PHTF2: variants seen among roughly 807,000 people sequenced by gnomAD.
PHTF2 encodes protein PHTF2.
PHTF2 carries 60 observed loss-of-function variants against 101.2 expected under a neutral mutation model. The ratio of observed to expected loss-of-function variants is 0.59; its 90% CI spans 0.48 to 0.73. The LOEUF (loss-of-function observed/expected upper bound fraction) is 0.73, where lower values mean the gene tolerates loss of function less well. Among genes scored for constraint, PHTF2 ranks in the 30% least tolerant of loss-of-function variants. The probability of loss-of-function intolerance (pLI) is 0.00; values close to 1 mark genes in which losing one functional copy is unlikely to be tolerated. For synonymous variants in PHTF2, 311 were observed against 307.3 expected (o/e 1.01, Z -0.13); for missense variants, 747 against 908.7 (o/e 0.82, Z 2.29).
intron 16 of PHTF2, among the ~76,000 whole-genome samples, chr7:77,947,544 C>T (rs781753672): frequency 3.3e-5 from 5 of 151,858 alleles, no homozygotes; most frequent in Non-Finnish European, 5.9e-5. Flanking sequence ...GCCTGGGCGA[C>T]AGAGTGAGAC....
intron 1 of PHTF2, among the ~76,000 whole-genome samples, chr7:77,814,391 A>G (rs1793680435): frequency 6.6e-6 from 1 of 152,194 alleles, no homozygotes; most frequent in South Asian, 2.1e-4. Flanking sequence ...CTCACAACCA[A>G]CAGCACTATA....
In PHTF2 at chr7:77,951,367, G is replaced by A. The variant is rs750122910; in HGVS notation, c.2116-250G>A. Among the ~76,000 whole-genome samples, 11 of 152,188 alleles carry A rather than the reference G, an allele frequency of 7.2e-5. No individual in the cohort carries two copies. In the Middle Eastern group the frequency reaches 0.01, roughly 141 times the overall value. On this transcript the variant is annotated intron_variant, in intron 17 of 19. Coordinates refer to ENST00000416283, the Ensembl canonical transcript of PHTF2. ...AGGTTGATTTGGCTCCGATAATAAAGTGTCTCACCTTTTAAATAATGCCAT... is the reference window on the plus strand; with the variant it reads ...AGGTTGATTTGGCTCCGATAATAAAATGTCTCACCTTTTAAATAATGCCAT...
At chr7:77,954,936 G>C in exon 20 of PHTF2, 1 of 918,810 alleles carries the variant, frequency 1.1e-6, no homozygotes, top group South Asian at 1.7e-5. Flanking sequence ...TGACTAAGCT[G>C]CCTGAAAGCT....
At chr7:77,804,132 A>G (rs574242673) in intron 1 of PHTF2, among the ~76,000 whole-genome samples, 1 of 152,360 alleles carries the variant, frequency 6.6e-6, no homozygotes, top group South Asian at 2.1e-4. Context: ...TTTAATGGCA[A>G]GTAATCCTGG....
chr7:77,858,614 G>A (rs1176099134), intron 3 of PHTF2, among the ~76,000 whole-genome samples: 1 of 149,148 alleles, frequency 6.7e-6, no homozygotes, highest in African/African-American at 2.5e-5. Context: ...GTTTTTAGGT[G>A]ACCTCTGATG....
At chr7:77,916,247 A>G (rs934219931) in intron 9 of PHTF2, among the ~76,000 whole-genome samples, 4 of 152,192 alleles carry the variant, frequency 2.6e-5, no homozygotes, top group Non-Finnish European at 4.4e-5. Flanking sequence ...TGTTTTTTAA[A>G]TAAGTCTCTC....
At chr7:77,908,855 A>T (rs1055069995) in exon 8 of PHTF2, 2 of 1,611,320 alleles carry the variant, frequency 1.2e-6, no homozygotes, top group African/African-American at 1.3e-5. Flanking sequence ...GACAGAGGTG[A>T]TTGGGCCGAT....
chr7:77,868,560 T>G (rs1229326961), intron 3 of PHTF2, among the ~76,000 whole-genome samples: 2 of 152,086 alleles, frequency 1.3e-5, no homozygotes, highest in African/African-American at 4.8e-5. Context: ...TTTCAGTAAG[T>G]CAAAGAATGG....
At chr7:77,890,475 G>A (rs1055914943) in intron 3 of PHTF2, among the ~76,000 whole-genome samples, 6 of 152,030 alleles carry the variant, frequency 3.9e-5, no homozygotes, top group African/African-American at 1.2e-4. Flanking sequence ...GACAAGTTAG[G>A]CACCCTTTTG....
intron 12 of PHTF2, among the ~76,000 whole-genome samples, chr7:77,936,284 CTAGAG>C (rs1805121247): frequency 2.0e-5 from 3 of 151,996 alleles, no homozygotes; most frequent in Non-Finnish European, 4.4e-5. Context: ...ATAAATGTAC[CTAGAG>C]TAGATTCTTC....
At chr7:77,842,173 T>C (rs368067816) in intron 2 of PHTF2, among the ~76,000 whole-genome samples, 3 of 152,286 alleles carry the variant, frequency 2.0e-5, no homozygotes, top group East Asian at 3.9e-4. Context: ...TAAAATATAC[T>C]AGCAAATGTA....
intron 13 of PHTF2, among the ~76,000 whole-genome samples, chr7:77,939,661 G>A (rs951939697): frequency 4.0e-5 from 6 of 151,574 alleles, no homozygotes; most frequent in Admixed American, 2.6e-4. Flanking sequence ...TGAAATAAGT[G>A]TAATGCTGAG....
In PHTF2 at chr7:77,915,170, A is replaced by C. The variant is rs58877229; in HGVS notation, c.776+4761A>C. 3.3e-5 allele frequency among the ~76,000 whole-genome samples: 5 copies of C among 151,732 alleles called. No individual in the cohort carries two copies. In the East Asian group the frequency reaches 9.8e-4, roughly 30 times the overall value. On this transcript the variant is annotated intron_variant, in intron 9 of 19. Transcript: ENST00000416283. ...GTGATCCTCCTGCTTTGGCCTCCCAAAGTGCTGGGATTACAGGCGTGAGTC... is the reference window on the plus strand; with the variant it reads ...GTGATCCTCCTGCTTTGGCCTCCCACAGTGCTGGGATTACAGGCGTGAGTC...
chr7:77,822,607 T>C (rs905263440), intron 1 of PHTF2, among the ~76,000 whole-genome samples: 15 of 152,140 alleles, frequency 9.9e-5, no homozygotes, highest in Non-Finnish European at 2.2e-4. Flanking sequence ...TGGGGGCTGG[T>C]AGGGATCTTC....
At chr7:77,826,836 A>C (rs1475419861) in intron 1 of PHTF2, among the ~76,000 whole-genome samples, 1 of 152,254 alleles carries the variant, frequency 6.6e-6, no homozygotes, top group Admixed American at 6.5e-5. Flanking sequence ...TCTAACATGT[A>C]AGAGCACAGA....
chr7:77,825,238 G>T (rs1794615133), intron 1 of PHTF2, among the ~76,000 whole-genome samples: 1 of 152,160 alleles, frequency 6.6e-6, no homozygotes. Flanking sequence ...GGAAGGTAAA[G>T]AAAGAATGAG....
chr7:77,954,879 C>A, exon 20 of PHTF2: 2 of 1,496,174 alleles, frequency 1.3e-6, no homozygotes, highest in Non-Finnish European at 1.8e-6. Context: ...TAAGTCATGA[C>A]AATTCAAAGA....
intron 12 of PHTF2, among the ~76,000 whole-genome samples, chr7:77,937,029 G>A (rs1051726420): frequency 6.6e-6 from 1 of 151,566 alleles, no homozygotes; most frequent in Non-Finnish European, 1.5e-5. Flanking sequence ...CCTGTAGTCC[G>A]AGCTACTCAG....
At chr7:77,920,182 G>A (rs1803312208) in intron 9 of PHTF2, 97 bp from the exon 9 acceptor site, 8 of 622,314 alleles carry the variant, frequency 1.3e-5, no homozygotes, top group Non-Finnish European at 2.2e-5. Context: ...TAGAGAAATA[G>A]CTATCTGATG....
Sources: allele counts gnomAD v4.1 joint callset (sites outside exome capture counted in the v4.1 genomes callset), GRCh38; gene constraint gnomAD v4.1.1; transcripts MANE v1.5; gene names NCBI Gene and HGNC (gene_info 2026-07-23, HGNC 2026-07-21).